The following TAFA2 variants were observed in gnomAD, a reference collection of about 807,000 sequenced individuals.
The protein encoded by TAFA2 is chemokine-like protein TAFA-2.
In TAFA2, 7 loss-of-function variants were observed where a neutral mutation model predicts 18.8. That is an observed-to-expected ratio of 0.37 (90% CI 0.21 to 0.70). The LOEUF (loss-of-function observed/expected upper bound fraction) is 0.70. Ranked by LOEUF, TAFA2 falls within the 30% of genes least tolerant of loss-of-function variation. The pLI is 0.53. For missense variants in TAFA2, 122 were observed against 158.1 expected, an observed-to-expected ratio of 0.77 and a Z score of 1.23; for synonymous variants, 60 against 54.2, an observed-to-expected ratio of 1.11 and a Z score of -0.47.
At chr12:61,932,120 T>G (rs531640558) in intron 1 of TAFA2, among the ~76,000 whole-genome samples, 1 of 152,196 alleles carries the variant, frequency 6.6e-6, no homozygotes, top group Admixed American at 6.5e-5. Flanking sequence ...TTACTAGTAT[T>G]CATAAATGAA....
At chr12:61,879,194 C>T in intron 1 of TAFA2, 2 of 330,388 alleles carry the variant, frequency 6.1e-6, no homozygotes, top group Non-Finnish European at 1.1e-5. Flanking sequence ...TTAAAACATT[C>T]TTCCAGCTTC....
At chr12:62,198,686 C>T (rs1430259910) in intron 1 of TAFA2, among the ~76,000 whole-genome samples, 2 of 152,082 alleles carry the variant, frequency 1.3e-5, no homozygotes, top group African/African-American at 2.4e-5. Flanking sequence ...TTTTTAAAAA[C>T]ATTTACAGAA....
intron 1 of TAFA2, among the ~76,000 whole-genome samples, chr12:61,938,604 CAT>C (rs1416531115): frequency 6.6e-6 from 1 of 152,142 alleles, no homozygotes; most frequent in Non-Finnish European, 1.5e-5. Context: ...CACCTGCATG[CAT>C]ATGTTTATTG....
At chr12:61,836,091 T>G (rs1872908302) in intron 2 of TAFA2, among the ~76,000 whole-genome samples, 1 of 151,986 alleles carries the variant, frequency 6.6e-6, no homozygotes, top group African/African-American at 2.4e-5. Flanking sequence ...TACTCTTGGT[T>G]GGTTAACTAC....
intron 2 of TAFA2, among the ~76,000 whole-genome samples, chr12:61,861,143 G>A (rs1419883257): frequency 1.3e-5 from 2 of 151,830 alleles, no homozygotes; most frequent in African/African-American, 4.8e-5. Context: ...GTAGAGATGA[G>A]ATTTCGCCAT....
chr12:61,983,585 T>G (rs555837865), intron 1 of TAFA2, among the ~76,000 whole-genome samples: 3 of 152,250 alleles, frequency 2.0e-5, no homozygotes, highest in East Asian at 3.9e-4. Flanking sequence ...TTTTTGTATT[T>G]TTAGTACAGA....
intron 1 of TAFA2, among the ~76,000 whole-genome samples, chr12:61,890,770 C>T (rs910579468): frequency 6.6e-6 from 1 of 152,156 alleles, no homozygotes; most frequent in Non-Finnish European, 1.5e-5. Flanking sequence ...AGACTTCTCC[C>T]CGGGGACAGA....
intron 1 of TAFA2, among the ~76,000 whole-genome samples, chr12:62,095,638 T>C (rs971940372): frequency 2.0e-5 from 3 of 152,116 alleles, no homozygotes; most frequent in African/African-American, 7.2e-5. Flanking sequence ...AGGCCCTGGT[T>C]ACCTAAAGGA....
At chr12:62,186,245 T>C (rs1190278640) in intron 1 of TAFA2, among the ~76,000 whole-genome samples, 1 of 152,196 alleles carries the variant, frequency 6.6e-6, no homozygotes, top group Non-Finnish European at 1.5e-5. Flanking sequence ...AATGTTTGCA[T>C]GACCTTTAAA....
chr12:61,862,085 G>A (rs1302537335), intron 2 of TAFA2, among the ~76,000 whole-genome samples: 2 of 152,158 alleles, frequency 1.3e-5, no homozygotes, highest in South Asian at 2.1e-4. Flanking sequence ...TAGTTTGGAT[G>A]TGATGGGTAA....
chr12:62,160,871 G>A (rs1434111749), intron 1 of TAFA2, among the ~76,000 whole-genome samples: 1 of 152,098 alleles, frequency 6.6e-6, no homozygotes, highest in Non-Finnish European at 1.5e-5. Context: ...CAGTGCTGGT[G>A]CCCCCCTTGC....
chr12:62,026,999 C>G (rs1200598304), intron 1 of TAFA2, among the ~76,000 whole-genome samples: 1 of 152,022 alleles, frequency 6.6e-6, no homozygotes, highest in African/African-American at 2.4e-5. Flanking sequence ...ATTCTCTTCT[C>G]TTTTTGAATA....
At chr12:61,988,673 A>G (rs534856930) in intron 1 of TAFA2, among the ~76,000 whole-genome samples, 1 of 152,284 alleles carries the variant, frequency 6.6e-6, no homozygotes, top group East Asian at 1.9e-4. Flanking sequence ...ATCATTCCAC[A>G]AATACATTCT....
At chr12:61,777,712 C>T (rs1369228007) in intron 2 of TAFA2, among the ~76,000 whole-genome samples, 1 of 151,698 alleles carries the variant, frequency 6.6e-6, no homozygotes, top group Non-Finnish European at 1.5e-5. Flanking sequence ...TTAATTTTCT[C>T]ACTTGTAAAA....
intron 1 of TAFA2, among the ~76,000 whole-genome samples, chr12:61,938,494 G>A (rs1182466312): frequency 6.6e-6 from 1 of 152,148 alleles, no homozygotes; most frequent in African/African-American, 2.4e-5. Context: ...AGGAGGGAGA[G>A]GATCAGAGAT....
intron 1 of TAFA2, among the ~76,000 whole-genome samples, chr12:62,162,716 A>C (rs1346105924): frequency 2.0e-5 from 3 of 152,164 alleles, no homozygotes; most frequent in Non-Finnish European, 4.4e-5. Context: ...GGGATTCCCC[A>C]TTGATATCTG....
intron 4 of TAFA2, among the ~76,000 whole-genome samples, chr12:61,716,396 T>C (rs1869661497): frequency 6.6e-6 from 1 of 152,180 alleles, no homozygotes; most frequent in Non-Finnish European, 1.5e-5. Context: ...GCCAAAAAAA[T>C]GCAGATTTGC....
At chr12:62,129,038 A>G (rs182239679) in intron 1 of TAFA2, among the ~76,000 whole-genome samples, 15 of 152,218 alleles carry the variant, frequency 9.9e-5, no homozygotes. Context: ...CCTGAATGTG[A>G]AGAAGACAGT....
rs577278419 is a variant in TAFA2 at position 62,120,240 on chromosome 12, C to T, written c.-2+71019G>A. Reference sequence around the variant, plus strand: ...CTAAAATAGGCCCATCTATGTCGTTCCACAACTGATATACCCACAAATGTT... The same window carrying T: ...CTAAAATAGGCCCATCTATGTCGTTTCACAACTGATATACCCACAAATGTT... On this transcript the variant is annotated intron_variant, in intron 1 of 4. Transcript: ENST00000416284. Among the ~76,000 whole-genome samples the T allele has an allele frequency of 5.8e-4, 88 of 152,236 alleles. No individual in the cohort carries two copies. The South Asian group carries it at 0.018, about 31-fold the overall frequency.
Sources: gnomAD v4.1 joint callset for allele counts (sites outside exome capture counted in the v4.1 genomes callset) on GRCh38, gnomAD v4.1.1 for gene constraint, MANE v1.5 for transcripts, NCBI Gene and HGNC (gene_info 2026-07-23, HGNC 2026-07-21) for gene names.